The following STK24 variants were observed in gnomAD, a reference collection of about 807,000 sequenced individuals.
The protein encoded by STK24 is serine/threonine-protein kinase 24.
A neutral mutation model predicts 55.6 loss-of-function variants in STK24; 21 were observed. That is an observed-to-expected ratio of 0.38 (90% CI 0.27 to 0.54). STK24 has a LOEUF of 0.54. STK24 is among the 20% of genes least tolerant of loss of function. The pLI, the probability that STK24 is intolerant of heterozygous loss-of-function variation, is 0.79. For synonymous variants in STK24, 200 were observed against 215.2 expected, an observed-to-expected ratio of 0.93 and a Z score of 0.62; for missense variants, 383 against 538.4, an observed-to-expected ratio of 0.71 and a Z score of 2.86.
intron 1 of STK24, among the ~76,000 whole-genome samples, chr13:98,558,310 A>G (rs1178668259): frequency 6.6e-6 from 1 of 152,236 alleles, no homozygotes; most frequent in African/African-American, 2.4e-5. Flanking sequence ...ATGAACTATT[A>G]GGAATACTTT....
intron 1 of STK24, among the ~76,000 whole-genome samples, chr13:98,558,065 C>A (rs1333330228): frequency 6.6e-6 from 1 of 152,144 alleles, no homozygotes; most frequent in Non-Finnish European, 1.5e-5. Context: ...CATTTTTTCC[C>A]ATTGAAATGT....
intron 1 of STK24, among the ~76,000 whole-genome samples, chr13:98,548,150 AC>A (rs1005091119): frequency 6.6e-6 from 1 of 152,138 alleles, no homozygotes; most frequent in Non-Finnish European, 1.5e-5. Context: ...GCCTTAGTTT[AC>A]TCACCTGTAA....
chr13:98,487,919 G>A (rs1594603079), intron 2 of STK24, among the ~76,000 whole-genome samples: 1 of 152,224 alleles, frequency 6.6e-6, no homozygotes, highest in African/African-American at 2.4e-5. Flanking sequence ...AGCAGTGTCT[G>A]AGGGTGCTAA....
In STK24 at chr13:98,448,737, GTGTTTGTT is replaced by G. The variant is rs56021612; in HGVS notation, c.*4428_*4435del. ...TGCATTTTACGAAGTGGACTTCCCG[GTGTTTGTT>G]TGTTTGTTTGCAATACACTCAGTGC... On this transcript the variant is annotated 3_prime_UTR_variant, in exon 11 of 11. Transcript: ENST00000539966. 7.1e-4 allele frequency: 112 copies of G among 157,648 alleles called. 1 individual carries two copies. The highest frequency in any genetic ancestry group is 6.3e-3 in the South Asian group (34 of 5,362). 9.8% of individuals were successfully genotyped at this position (157,648 alleles called of 1,614,324 possible). A position where few individuals can be genotyped will look rare whatever the true frequency, so the allele number is the denominator to read the frequency against.
chr13:98,470,274 C>T (rs1026884396), intron 5 of STK24, among the ~76,000 whole-genome samples: 1 of 150,540 alleles, frequency 6.6e-6, no homozygotes, highest in African/African-American at 2.5e-5. Flanking sequence ...CCATGCCCAG[C>T]TAATTTTTAA....
At chr13:98,506,698 C>T (rs1314762501) in intron 2 of STK24, among the ~76,000 whole-genome samples, 1 of 152,232 alleles carries the variant, frequency 6.6e-6, no homozygotes, top group Non-Finnish European at 1.5e-5. Flanking sequence ...CAAATTCAAT[C>T]ATTTAATACA....
At chr13:98,476,120 T>C (rs1038088937) in intron 3 of STK24, among the ~76,000 whole-genome samples, 7 of 152,160 alleles carry the variant, frequency 4.6e-5, no homozygotes, top group African/African-American at 1.7e-4. Flanking sequence ...ATTGTTCCTA[T>C]TGACTCCTTT....
At chr13:98,518,464 G>A (rs545465714) in intron 2 of STK24, among the ~76,000 whole-genome samples, 2 of 151,994 alleles carry the variant, frequency 1.3e-5, no homozygotes, top group Non-Finnish European at 1.5e-5. Flanking sequence ...ATTTCAGAGC[G>A]TTTTTTTCCC....
intron 1 of STK24, among the ~76,000 whole-genome samples, chr13:98,525,249 C>T (rs1896392265): frequency 6.6e-6 from 1 of 152,216 alleles, no homozygotes; most frequent in African/African-American, 2.4e-5. Flanking sequence ...TGATAATTTC[C>T]TTTTTAGAAG....
intron 1 of STK24, among the ~76,000 whole-genome samples, chr13:98,551,260 T>C (rs894872365): frequency 6.0e-5 from 9 of 149,644 alleles, no homozygotes; most frequent in African/African-American, 1.7e-4. Flanking sequence ...CACTCTAGCC[T>C]GGGCGACAGA....
chr13:98,561,158 G>A (rs1290531138), intron 1 of STK24, among the ~76,000 whole-genome samples: 3 of 152,266 alleles, frequency 2.0e-5, no homozygotes, highest in South Asian at 4.2e-4. Context: ...CCACCGTGTG[G>A]GTATTCTCAC....
At chr13:98,498,331 G>C (rs773627733) in intron 2 of STK24, among the ~76,000 whole-genome samples, 13 of 152,232 alleles carry the variant, frequency 8.5e-5, no homozygotes, top group Admixed American at 3.3e-4. Context: ...GAATTCAAAT[G>C]CTCAGCTCAA....
In STK24 at chr13:98,468,506, A is replaced by G. The variant is rs538345204; in HGVS notation, c.598-1945T>C. Reference sequence around the variant, plus strand: ...GACAGGAGGACAGGAGTGAGCAGGCACAAGGAGGGAGGACCGAGGAGGGGA... The same window carrying G: ...GACAGGAGGACAGGAGTGAGCAGGCGCAAGGAGGGAGGACCGAGGAGGGGA... On this transcript the variant is annotated intron_variant, in intron 5 of 10. Transcript: ENST00000539966. Among the ~76,000 whole-genome samples the G allele has an allele frequency of 1.8e-3, 276 of 152,314 alleles. 1 individual carries two copies. Among genetic ancestry groups the G allele is most frequent in the African/African-American group, 6.0e-3 (249 of 41,558 alleles).
chr13:98,475,275 C>T lies in STK24; in HGVS notation c.414G>A (p.Glu138=), dbSNP rs372879934. ...ILKGLDYLHS[E]KKIHRDIKAA... ...CTTTAATGTCTCTGTGGATTTTCTTCTCCGAATGGAGATAATCGAGTCCTT... is the reference window on the plus strand; with the variant it reads ...CTTTAATGTCTCTGTGGATTTTCTTTTCCGAATGGAGATAATCGAGTCCTT... The change falls in exon 4 of 11, where the codon GAG becomes GAA. Residue 138 remains glutamate, a synonymous_variant. Transcript: ENST00000539966. 13 of 1,612,238 alleles carry T rather than the reference C, an allele frequency of 8.1e-6. No individual in the cohort carries two copies. In the African/African-American group the frequency reaches 1.3e-4, roughly 17 times the overall value.
In STK24 at chr13:98,448,441, T is replaced by A; in HGVS notation, c.*4732A>T. 8.9e-6 allele frequency: 7 copies of A among 785,666 alleles called. No homozygotes were observed. The highest frequency in any genetic ancestry group is 1.5e-5 in the Non-Finnish European group (7 of 462,662). 48.7% of individuals were successfully genotyped at this position (785,666 alleles called of 1,614,324 possible). A position where few individuals can be genotyped will look rare whatever the true frequency, so the allele number is the denominator to read the frequency against. On this transcript the variant is annotated 3_prime_UTR_variant, in exon 11 of 11. Transcript: ENST00000539966. The stretch of plus-strand genomic sequence containing the variant: ...ATCAAAAACATGGCTTCCCAGCAGC[T>A]CTCCTGTCTCCACAGCCGCGTTTTT...
chr13:98,525,226 C>A (rs1896391083), intron 1 of STK24, among the ~76,000 whole-genome samples: 1 of 152,264 alleles, frequency 6.6e-6, no homozygotes, highest in South Asian at 2.1e-4. Flanking sequence ...AGGCACAATT[C>A]TGCCAGCCTT....
intron 1 of STK24, among the ~76,000 whole-genome samples, chr13:98,536,273 C>T (rs1896733358): frequency 6.6e-6 from 1 of 152,230 alleles, no homozygotes; most frequent in Non-Finnish European, 1.5e-5. Flanking sequence ...CTGCAAGCTC[C>T]AGGCCAACAC....
chr13:98,546,837 C>T (rs1348348374), intron 1 of STK24, among the ~76,000 whole-genome samples: 7 of 152,204 alleles, frequency 4.6e-5, no homozygotes, highest in Non-Finnish European at 1.0e-4. Context: ...ACTCCAGTTA[C>T]TCACACCTGA....
At chr13:98,539,898 C>T (rs777934275) in intron 1 of STK24, among the ~76,000 whole-genome samples, 1 of 152,166 alleles carries the variant, frequency 6.6e-6, no homozygotes, top group Non-Finnish European at 1.5e-5. Context: ...CACAAGTCCA[C>T]GCAGACACAC....
Sources: allele counts gnomAD v4.1 joint callset (sites outside exome capture counted in the v4.1 genomes callset), GRCh38; gene constraint gnomAD v4.1.1; transcripts MANE v1.5; gene names NCBI Gene and HGNC (gene_info 2026-07-23, HGNC 2026-07-21).